Variants in PTPRN2 observed in about 807,000 individuals in gnomAD.
PTPRN2 encodes the protein protein tyrosine phosphatase receptor type N2.
A neutral mutation model predicts 118.8 loss-of-function variants in PTPRN2; 74 were observed. The ratio of observed to expected loss-of-function variants is 0.62; its 90% CI spans 0.52 to 0.76. The LOEUF (loss-of-function observed/expected upper bound fraction) is 0.76, where lower values mean the gene tolerates loss of function less well. PTPRN2 is among the 30% of genes least tolerant of loss of function. The pLI, the probability that PTPRN2 is intolerant of heterozygous loss-of-function variation, is 0.00. For missense variants in PTPRN2, 1,481 were observed against 1,394.4 expected (o/e 1.06, Z -0.99); for synonymous variants, 641 against 608.0 (o/e 1.05, Z -0.80).
At chr7:157,904,524 T>C (rs1221160623) in intron 11 of PTPRN2, among the ~76,000 whole-genome samples, 1 of 152,206 alleles carries the variant, frequency 6.6e-6, no homozygotes, top group Non-Finnish European at 1.5e-5. Flanking sequence ...CCGGGGAGTC[T>C]CACAAAGCAC....
chr7:158,351,929 C>CTGCT (rs1276268384), intron 2 of PTPRN2, among the ~76,000 whole-genome samples: 1 of 117,764 alleles, frequency 8.5e-6, no homozygotes, highest in African/African-American at 3.1e-5. Context: ...CCCCTCCTGT[C>CTGCT]CGCTCCCCTC....
At chr7:157,850,452 G>A (rs918576606) in intron 12 of PTPRN2, among the ~76,000 whole-genome samples, 8 of 151,628 alleles carry the variant, frequency 5.3e-5, no homozygotes, top group African/African-American at 1.5e-4. Flanking sequence ...CCTCACGCTC[G>A]CATAAGGGAT....
intron 3 of PTPRN2, among the ~76,000 whole-genome samples, chr7:158,258,011 T>C (rs1471620055): frequency 1.3e-5 from 2 of 152,236 alleles, no homozygotes; most frequent in Non-Finnish European, 2.9e-5. Flanking sequence ...CCTAAGGCTT[T>C]CTTGAGAGGC....
At chr7:158,224,376 G>A (rs1301254534) in intron 3 of PTPRN2, among the ~76,000 whole-genome samples, 8 of 152,210 alleles carry the variant, frequency 5.3e-5, no homozygotes, top group African/African-American at 1.4e-4. Flanking sequence ...TCAAGACTGT[G>A]TAGTACTGAT....
rs530148949 is a variant in PTPRN2 at position 158,546,991 on chromosome 7, G to A, written c.112+40567C>T. Among the ~76,000 whole-genome samples the A allele has an allele frequency of 2.0e-4, 30 of 152,264 alleles. No homozygotes were observed. The South Asian group carries it at 5.2e-3, about 26-fold the overall frequency. ...AGCCCATGCAGAGCTCAGAGCTCAC[G>A]GCAGAGCGGCACAGAAAGAAGCTCA... is the stretch of plus-strand genomic sequence containing the variant. On this transcript the variant is annotated intron_variant, in intron 1 of 22. Transcript: ENST00000389418. The surrounding 1 kb of genome is among the most constrained non-coding windows in gnomAD (Gnocchi z 5.0).
intron 2 of PTPRN2, among the ~76,000 whole-genome samples, chr7:158,371,943 C>T (rs79943020): frequency 0.011 from 1,643 of 152,344 alleles, 30 homozygotes; most frequent in African/African-American, 0.037. Flanking sequence ...GGACGTAGCG[C>T]ACTCAGCGTC....
At chr7:157,948,249 T>A (rs528224998) in intron 11 of PTPRN2, among the ~76,000 whole-genome samples, 2 of 152,214 alleles carry the variant, frequency 1.3e-5, no homozygotes, top group Non-Finnish European at 2.9e-5. Flanking sequence ...ACAATAATTA[T>A]AAATCTATGT....
Position 157,881,747 on chromosome 7 carries a change from A to C in PTPRN2, c.1788+16926T>G, listed in dbSNP as rs1220869471. The stretch of plus-strand genomic sequence containing the variant: ...CTTTTTGCTTTATGATCTCATTAAA[A>C]AAAAAAAAATAGATTGGCACTTCAG... On this transcript the variant is annotated intron_variant, in intron 12 of 22. Coordinates refer to ENST00000389418, the MANE Select transcript of PTPRN2 (RefSeq NM_002847.5). This position sits in a 1 kb window ranked among gnomAD's most constrained non-coding sequence, Gnocchi z 4.7. Among the ~76,000 whole-genome samples, 1 of 152,142 alleles carries C rather than the reference A, an allele frequency of 6.6e-6. No individual in the cohort carries two copies. Among genetic ancestry groups the C allele is most frequent in the Non-Finnish European group, 1.5e-5 (1 of 68,022 alleles).
intron 6 of PTPRN2, among the ~76,000 whole-genome samples, chr7:158,141,755 G>A (rs772416266): frequency 3.3e-5 from 5 of 152,128 alleles, no homozygotes; most frequent in Admixed American, 1.3e-4. Context: ...TCCTGTCAGC[G>A]CCACTCCAGA....
Position 158,529,374 on chromosome 7 carries a change from G to T in PTPRN2, c.113-39589C>A, listed in dbSNP as rs1825042010. ...AGAGCAAGCATTGGCTGTGTCGGCAGAGGAAGGTGGGAAGGCCCAGGGGAG... is the reference window on the plus strand; with the variant it reads ...AGAGCAAGCATTGGCTGTGTCGGCATAGGAAGGTGGGAAGGCCCAGGGGAG... On this transcript the variant is annotated intron_variant, in intron 1 of 22. Transcript: ENST00000389418. The surrounding 1 kb of genome is among the most constrained non-coding windows in gnomAD (Gnocchi z 4.7). Among the ~76,000 whole-genome samples the T allele has an allele frequency of 6.6e-6, 1 of 152,252 alleles. No individual in the cohort carries two copies. Among genetic ancestry groups the T allele is most frequent in the South Asian group, 2.1e-4 (1 of 4,832 alleles).
chr7:158,489,847 C>G, intron 1 of PTPRN2, 62 bp from the exon 2 acceptor site: 1 of 1,459,884 alleles, frequency 6.8e-7, no homozygotes, highest in Non-Finnish European at 9.3e-7. Flanking sequence ...GCCCCCGAGG[C>G]TGCCTTCCTG....
At chr7:158,144,988 C>G (rs1426321623) in intron 6 of PTPRN2, among the ~76,000 whole-genome samples, 1 of 145,250 alleles carries the variant, frequency 6.9e-6, no homozygotes, top group South Asian at 2.1e-4. Context: ...TCCAGAATAC[C>G]ACGGCTCGGC....
Position 158,319,537 on chromosome 7 carries a change from AGCCTCCCT to A in PTPRN2, c.164-2613_164-2606del. 1.7e-5 allele frequency among the ~76,000 whole-genome samples: 2 copies of A among 118,526 alleles called. 1 individual carries two copies. The highest frequency in any genetic ancestry group is 5.0e-4 in the East Asian group (2 of 3,992). 77.8% of individuals were successfully genotyped at this position (118,526 alleles called of 152,430 possible). ...CACACACAGCCTCCCTCACACACAC[AGCCTCCCT>A]CACACACACACGGTCTCCCTCACAC... On this transcript the variant is annotated intron_variant, in intron 2 of 22. Coordinates refer to ENST00000389418, the MANE Select transcript of PTPRN2 (RefSeq NM_002847.5).
At chr7:158,146,000 A>G (rs946857316) in intron 6 of PTPRN2, among the ~76,000 whole-genome samples, 3 of 152,168 alleles carry the variant, frequency 2.0e-5, no homozygotes, top group Non-Finnish European at 1.5e-5. Flanking sequence ...AGTGCTTAAT[A>G]AATTATAACT....
At chr7:158,205,597 A>G (rs1212813357) in intron 3 of PTPRN2, among the ~76,000 whole-genome samples, 1 of 152,202 alleles carries the variant, frequency 6.6e-6, no homozygotes, top group Non-Finnish European at 1.5e-5. Context: ...TCCGCACAGC[A>G]AAGCACCTTC....
chr7:158,063,032 C>G (rs573956996), intron 11 of PTPRN2, among the ~76,000 whole-genome samples: 47 of 152,328 alleles, frequency 3.1e-4, no homozygotes, highest in African/African-American at 1.0e-3. Context: ...CAGTTGGGCT[C>G]CTGAGTCTAG....
intron 14 of PTPRN2, among the ~76,000 whole-genome samples, chr7:157,633,029 C>T (rs1022160125): frequency 6.6e-6 from 1 of 152,142 alleles, no homozygotes; most frequent in East Asian, 1.9e-4. Context: ...TTCAGTCATC[C>T]AGTTTGATTA....
chr7:157,965,833 C>G (rs1801885629), intron 11 of PTPRN2, among the ~76,000 whole-genome samples: 1 of 152,240 alleles, frequency 6.6e-6, no homozygotes, highest in Admixed American at 6.5e-5. Context: ...AGAGCCCCCT[C>G]ATTACCAAAA....
chr7:157,624,313 C>G, intron 14 of PTPRN2, among the ~76,000 whole-genome samples: 1 of 151,986 alleles, frequency 6.6e-6, no homozygotes, highest in African/African-American at 2.4e-5. Flanking sequence ...CCCAACTACT[C>G]GGGAGACTGA....
Sources: gnomAD v4.1 joint callset for allele counts (sites outside exome capture counted in the v4.1 genomes callset) on GRCh38, gnomAD v4.1.1 for gene constraint, Gnocchi (gnomAD v3.1) non-coding constraint, MANE v1.5 for transcripts, NCBI Gene and HGNC (gene_info 2026-07-23, HGNC 2026-07-21) for gene names.